The following BCORL1 variants were observed in gnomAD, a reference collection of about 807,000 sequenced individuals.
BCORL1 encodes the protein BCL6 corepressor like 1.
A neutral mutation model predicts 87.6 loss-of-function variants in BCORL1; 7 were observed. The observed-to-expected ratio is 0.08, with a 90% CI of 0.05 to 0.15. BCORL1 has a LOEUF of 0.15. Among genes scored for constraint, BCORL1 ranks in the 10% least tolerant of loss-of-function variants. The pLI is 1.00. For missense variants in BCORL1, 1,215 were observed against 1,499.7 expected, an observed-to-expected ratio of 0.81 and a Z score of 3.13; for synonymous variants, 591 against 634.4, an observed-to-expected ratio of 0.93 and a Z score of 1.03.
chrX:130,018,626 C>T (rs1603121177), intron 4 of BCORL1, among the ~76,000 whole-genome samples: 1 of 111,596 alleles, frequency 9.0e-6, no homozygotes, highest in South Asian at 3.8e-4. Context: ...TAGATGTGGC[C>T]CCGCCTCTCA....
rs1307893265 is a variant in BCORL1 at position 130,014,964 on chromosome X, A to G, written c.2192A>G (p.Asn731Ser). The G allele has an allele frequency of 7.4e-6, 9 of 1,209,751 alleles. No homozygotes were observed. The highest frequency in any genetic ancestry group is 1.0e-5 in the Non-Finnish European group (9 of 895,126). ...CCAGTGCCTGCATCCCTGCTGCTGA[A>G]CAAAGACCCCAACCTGGGCCTCAAC... ...ANPVPASLLLNKDPNLGLNRD... is the reference protein window; with the variant it reads ...ANPVPASLLLSKDPNLGLNRD... Residue 731 changes from asparagine (N) to serine (S), a missense_variant, in exon 4 of 14, where the codon AAC becomes AGC. Coordinates refer to ENST00000540052, the MANE Select transcript of BCORL1 (RefSeq NM_001379451.1).
chrX:130,054,322 T>C (rs997780893), intron 13 of BCORL1, among the ~76,000 whole-genome samples: 4 of 111,563 alleles, frequency 3.6e-5, no homozygotes, highest in East Asian at 2.8e-4. Flanking sequence ...AGTATTACAA[T>C]AGGGATGTGA....
At chrX:129,990,549 C>A (rs1927053693) in intron 1 of BCORL1, among the ~76,000 whole-genome samples, 1 of 111,645 alleles carries the variant, frequency 9.0e-6, no homozygotes, top group Non-Finnish European at 1.9e-5. Flanking sequence ...ATATTATTAT[C>A]TAATTTTTCT....
chrX:129,992,522 T>C (rs1244656305), intron 1 of BCORL1, among the ~76,000 whole-genome samples: 2 of 112,110 alleles, frequency 1.8e-5, no homozygotes, highest in Non-Finnish European at 3.8e-5. Context: ...TTTGAATGAA[T>C]AATATATATA....
rs1045410464 is a variant in BCORL1, at chrX:130,056,207, G to C, written c.*71G>C. On this transcript the variant is annotated 3_prime_UTR_variant, in exon 14 of 14. Coordinates refer to ENST00000540052, the MANE Select transcript of BCORL1 (RefSeq NM_001379451.1). ...TTCCCCCACCTCCTTGTCTTTCCCC[G>C]ACCGAGCACCAGACTGCAGAATGAG... The C allele has an allele frequency of 2.6e-4, 270 of 1,031,528 alleles. No individual in the cohort carries two copies. The highest frequency in any genetic ancestry group is 7.6e-4 in the Middle Eastern group (2 of 2,625). 85.0% of individuals were successfully genotyped at this position (1,031,528 alleles called of 1,213,427 possible). A position where few individuals can be genotyped will look rare whatever the true frequency, so the allele number is the denominator to read the frequency against.
chrX:130,018,520 A>G (rs1427357010), intron 4 of BCORL1, among the ~76,000 whole-genome samples: 1 of 112,556 alleles, frequency 8.9e-6, no homozygotes, highest in Non-Finnish European at 1.9e-5. Context: ...AGATTAAAGA[A>G]CGTGATATAC....
chrX:129,994,043 C>T (rs1317758594), intron 1 of BCORL1, among the ~76,000 whole-genome samples: 2 of 112,727 alleles, frequency 1.8e-5, no homozygotes, highest in East Asian at 2.8e-4. Context: ...GCCTTGGCTT[C>T]CCAAAGTGCT....
intron 7 of BCORL1, among the ~76,000 whole-genome samples, chrX:130,028,222 G>C (rs764858036): frequency 1.2e-4 from 13 of 111,537 alleles, no homozygotes; most frequent in Non-Finnish European, 2.3e-4. Context: ...CCATGTACTT[G>C]ATACTTAATG....
chrX:130,040,720 G>A (rs1442178281), intron 11 of BCORL1, among the ~76,000 whole-genome samples: 2 of 112,457 alleles, frequency 1.8e-5, no homozygotes, highest in African/African-American at 6.5e-5. Flanking sequence ...GGGGTGCAGG[G>A]CTTGGGGCAA....
chrX:130,041,020 T>C (rs1931272954), intron 11 of BCORL1, among the ~76,000 whole-genome samples: 1 of 110,158 alleles, frequency 9.1e-6, no homozygotes, highest in Non-Finnish European at 1.9e-5. Context: ...GCTTCCCCAA[T>C]CCCTTCTCCA....
At position 130,037,504 on chromosome X, in the gene BCORL1, C is replaced by T. The variant is rs145380229; in HGVS notation, c.4665C>T (p.Asn1555=). 1.5e-5 allele frequency: 18 copies of T among 1,209,261 alleles called. No individual in the cohort carries two copies. The African/African-American group carries it at 2.1e-4, about 14-fold the overall frequency. Residue 1555 remains asparagine, a synonymous_variant, in exon 10 of 14, where the codon AAC becomes AAT. Transcript: ENST00000540052. The part of the protein sequence containing the change: ...ILNILLEHGA[N]VNCSAQDGTR... ...ACATCCTGCTGGAGCACGGGGCCAA[C>T]GTGAACTGCAGTGCGCAGGACGGCA...
At chrX:130,025,437 CG>C in intron 7 of BCORL1, 58 bp downstream of exon 7, 1 of 1,066,473 alleles carries the variant, frequency 9.4e-7, no homozygotes, top group African/African-American at 1.9e-5. Context: ...TGGGAACCCT[CG>C]GGCATCTCTA....
rs1929786813 is a variant in BCORL1, at chrX:130,021,270, C to T, written c.3607+120C>T. ...ACTCTGGAAAAGTGAGACTTCTTCA[C>T]TGTGGAAAGAAGATATGATTGACCC... On this transcript the variant is annotated intron_variant, in intron 5 of 13. Transcript: ENST00000540052. The T allele has an allele frequency of 8.4e-6, 9 of 1,077,383 alleles. No individual in the cohort carries two copies. In the South Asian group the frequency reaches 1.0e-4, roughly 12 times the overall value. 88.8% of individuals were successfully genotyped at this position (1,077,383 alleles called of 1,213,427 possible). A position where few individuals can be genotyped will look rare whatever the true frequency, so the allele number is the denominator to read the frequency against.
rs1215378922 is a variant in BCORL1, at chrX:130,057,757, G to A, written c.*1621G>A. The A allele has an allele frequency of 9.2e-6, 1 of 108,388 alleles. No individual in the cohort carries two copies. The highest frequency in any genetic ancestry group is 1.9e-5 in the Non-Finnish European group (1 of 52,406). The allele number at this position is 108,388 out of a possible 1,213,427, so 8.9% of individuals were successfully genotyped here. ...TTTCTTTGTATTGTGTTTGTTCTTT[G>A]TTCCTGGGGGGGAAGTTCTCGGCCC... is the stretch of plus-strand genomic sequence containing the variant. On this transcript the variant is annotated 3_prime_UTR_variant, in exon 14 of 14. Coordinates refer to ENST00000540052, the MANE Select transcript of BCORL1 (RefSeq NM_001379451.1).
chrX:130,056,193 CCTT>C lies in BCORL1; in HGVS notation c.*58_*60del, dbSNP rs1415285786. ...TTCCGAGTTCGCCCTTCCCCCACCT[CCTT>C]GTCTTTCCCCGACCGAGCACCAGAC... On this transcript the variant is annotated 3_prime_UTR_variant, in exon 14 of 14. Coordinates refer to ENST00000540052, the MANE Select transcript of BCORL1 (RefSeq NM_001379451.1). 7.5e-6 allele frequency: 8 copies of C among 1,069,818 alleles called. No individual in the cohort carries two copies. The highest frequency in any genetic ancestry group is 9.9e-6 in the Non-Finnish European group (8 of 811,276). The allele number at this position is 1,069,818 out of a possible 1,213,427, so 88.2% of individuals were successfully genotyped here.
intron 1 of BCORL1, among the ~76,000 whole-genome samples, chrX:129,995,928 C>G (rs943352566): frequency 9.0e-6 from 1 of 111,653 alleles, no homozygotes; most frequent in African/African-American, 3.3e-5. Context: ...GTTGTCCTTG[C>G]TGGGTGTGTG....
At chrX:130,023,185 T>C (rs1399868560) in intron 6 of BCORL1, among the ~76,000 whole-genome samples, 1 of 111,329 alleles carries the variant, frequency 9.0e-6, no homozygotes, top group African/African-American at 3.3e-5. Context: ...TGTTTGAGGA[T>C]TATTTGTTCA....
At chrX:130,022,609 A>T (rs1929935667) in intron 5 of BCORL1, among the ~76,000 whole-genome samples, 1 of 110,755 alleles carries the variant, frequency 9.0e-6, no homozygotes, top group Non-Finnish European at 1.9e-5. Context: ...CTACTTTCCT[A>T]CTTTCTGGCA....
chrX:130,015,032 A>G lies in BCORL1; in HGVS notation c.2260A>G (p.Ile754Val), dbSNP rs1172297021. ...CCCCAAGCAGGAGCCCATCTCCATC[A>G]TTGATCAAGGAGAGCCTAAGGGCAC... Reference protein sequence around the residue: ...HLPKQEPISIIDQGEPKGTGA... With the variant: ...HLPKQEPISIVDQGEPKGTGA... The change falls in exon 4 of 14, where the codon ATT (isoleucine) becomes GTT (valine). Residue 754 changes from isoleucine (I) to valine (V), a missense_variant. By Grantham distance (29) the Ile-to-Val change is conservative. Around this residue, in one of 5 missense-constraint regions of BCORL1, gnomAD observed 861 missense variants for 1,010.0 expected, o/e 0.85. Coordinates refer to ENST00000540052, the MANE Select transcript of BCORL1 (RefSeq NM_001379451.1). The G allele has an allele frequency of 8.3e-7, 1 of 1,211,610 alleles. No homozygotes were observed. The highest frequency in any genetic ancestry group is 1.8e-5 in the South Asian group (1 of 56,982).
Sources: allele counts gnomAD v4.1 joint callset (sites outside exome capture counted in the v4.1 genomes callset), GRCh38; gene constraint gnomAD v4.1.1; regional missense constraint gnomAD v4.1.1; transcripts MANE v1.5; gene names NCBI Gene and HGNC (gene_info 2026-07-23, HGNC 2026-07-21).